Variants in HIBADH observed in about 807,000 individuals in gnomAD.
HIBADH encodes 3-hydroxyisobutyrate dehydrogenase, mitochondrial.
In HIBADH, 25 loss-of-function variants were observed where a neutral mutation model predicts 36.1. The ratio of observed to expected loss-of-function variants is 0.69; its 90% confidence interval spans 0.50 to 0.97. HIBADH has a LOEUF of 0.97. HIBADH is among the 50% of genes least tolerant of loss of function. HIBADH has a pLI of 0.00. For missense variants in HIBADH, 421 were observed against 418.0 expected (o/e 1.01, Z -0.06); for synonymous variants, 160 against 149.5 (o/e 1.07, Z -0.51).
At chr7:27,620,880 A>G (rs1785529813) in intron 4 of HIBADH, among the ~76,000 whole-genome samples, 2 of 152,146 alleles carry the variant, frequency 1.3e-5, no homozygotes, top group South Asian at 4.1e-4. Context: ...TTGCATATCA[A>G]TAATAACCTT....
chr7:27,639,910 T>C (rs1466369170), intron 2 of HIBADH, among the ~76,000 whole-genome samples: 1 of 152,154 alleles, frequency 6.6e-6, no homozygotes, highest in Non-Finnish European at 1.5e-5. Context: ...ATTTCCCTAA[T>C]AATCCACGTA....
chr7:27,589,879 C>T (rs1784916048), intron 4 of HIBADH, among the ~76,000 whole-genome samples: 1 of 152,128 alleles, frequency 6.6e-6, no homozygotes, highest in African/African-American at 2.4e-5. Context: ...ATCCAAATCC[C>T]GTGATCGTCC....
intron 4 of HIBADH, among the ~76,000 whole-genome samples, chr7:27,608,472 C>T (rs1785269211): frequency 6.6e-6 from 1 of 152,190 alleles, no homozygotes; most frequent in South Asian, 2.1e-4. Flanking sequence ...ATATACTTTT[C>T]ATCTGTTAAC....
At position 27,552,104 on chromosome 7, in the gene HIBADH, T is replaced by C. The variant is rs931978797; in HGVS notation, c.485-9004A>G. 1.1e-4 allele frequency among the ~76,000 whole-genome samples: 16 copies of C among 152,228 alleles called. 1 individual carries two copies. The highest frequency in any genetic ancestry group is 9.8e-4 in the Admixed American group (15 of 15,276). The stretch of plus-strand genomic sequence containing the variant: ...ACAAATTTAAGGGTGTTAATTAACT[T>C]TACACTTTATCATGTTCAATTAGTT... On this transcript the variant is annotated intron_variant, in intron 4 of 7. Coordinates refer to ENST00000265395, the MANE Select transcript of HIBADH (RefSeq NM_152740.4).
At chr7:27,534,398 A>T (rs1784043704) in intron 6 of HIBADH, among the ~76,000 whole-genome samples, 1 of 152,196 alleles carries the variant, frequency 6.6e-6, no homozygotes, top group Non-Finnish European at 1.5e-5. Flanking sequence ...GTTTACTCAG[A>T]TCTGCTATAT....
intron 2 of HIBADH, among the ~76,000 whole-genome samples, 195 bp from the exon 3 acceptor site, chr7:27,632,640 G>A (rs191579372): frequency 1.0e-3 from 148 of 147,712 alleles, no homozygotes; most frequent in Non-Finnish European, 8.8e-4. Context: ...TACATATACA[G>A]ATGCAGTTTC....
chr7:27,580,736 G>A (rs1322008106), intron 4 of HIBADH, among the ~76,000 whole-genome samples: 1 of 152,204 alleles, frequency 6.6e-6, no homozygotes, highest in African/African-American at 2.4e-5. Flanking sequence ...ATGAGCAAGA[G>A]AACAAATCTT....
At chr7:27,600,693 T>C (rs1030169669) in intron 4 of HIBADH, among the ~76,000 whole-genome samples, 1 of 152,092 alleles carries the variant, frequency 6.6e-6, no homozygotes, top group Non-Finnish European at 1.5e-5. Context: ...TAAGAACAAG[T>C]TGAAATGAAA....
chr7:27,597,562 A>G (rs1483483883), intron 4 of HIBADH, among the ~76,000 whole-genome samples: 1 of 149,414 alleles, frequency 6.7e-6, no homozygotes, highest in Non-Finnish European at 1.5e-5. Flanking sequence ...AGAATCCCCC[A>G]AACCAGACTC....
At chr7:27,637,118 T>C (rs954914958) in intron 2 of HIBADH, among the ~76,000 whole-genome samples, 2 of 152,132 alleles carry the variant, frequency 1.3e-5, no homozygotes, top group Admixed American at 6.6e-5. Context: ...GCAGCAGTAA[T>C]AGTAGTAGCA....
chr7:27,627,626 G>A (rs1785671732), intron 4 of HIBADH, among the ~76,000 whole-genome samples: 3 of 152,132 alleles, frequency 2.0e-5, no homozygotes, highest in Admixed American at 2.0e-4. Context: ...AAGTGGGAAG[G>A]TGGAACAGTT....
rs192259186 is a variant in HIBADH, at chr7:27,646,319, T to A, written c.252+3154A>T. 2.6e-5 allele frequency among the ~76,000 whole-genome samples: 4 copies of A among 152,202 alleles called. No individual in the cohort carries two copies. In the East Asian group the frequency reaches 7.7e-4, roughly 29 times the overall value. On this transcript the variant is annotated intron_variant, in intron 2 of 7. Transcript: ENST00000265395. ...CAACACAGATGTCACATACACACAC[T>A]CAAAAATGTCTTTCACATTAATTTC...
intron 4 of HIBADH, among the ~76,000 whole-genome samples, chr7:27,585,902 C>T (rs1035861198): frequency 4.6e-5 from 7 of 151,952 alleles, no homozygotes; most frequent in African/African-American, 1.5e-4. Context: ...AATTTAAGAA[C>T]ACAGATGTAA....
In HIBADH at chr7:27,629,497, GTAAA is replaced by G; in HGVS notation, c.363-9_363-6del. The G allele has an allele frequency of 6.5e-7, 1 of 1,543,964 alleles. No homozygotes were observed. Among genetic ancestry groups the G allele is most frequent in the Non-Finnish European group, 8.8e-7 (1 of 1,141,582 alleles). The stretch of plus-strand genomic sequence containing the variant: ...AATGAGCCCTTCTTCACTTTTCTAA[GTAAA>G]TAAATAAAAATATTTGTAGTTTACA... On this transcript the variant is annotated splice_region_variant and splice_polypyrimidine_tract_variant and intron_variant, in intron 3 of 7. Transcript: ENST00000265395.
chr7:27,619,965 A>C (rs188461129), intron 4 of HIBADH, among the ~76,000 whole-genome samples: 9 of 152,324 alleles, frequency 5.9e-5, no homozygotes, highest in African/African-American at 2.2e-4. Flanking sequence ...GAGGTTCACC[A>C]ATTCCCAGAA....
chr7:27,549,460 A>G (rs1339513014), intron 4 of HIBADH, among the ~76,000 whole-genome samples: 3 of 152,232 alleles, frequency 2.0e-5, no homozygotes, highest in African/African-American at 4.8e-5. Context: ...AAAAGAAACC[A>G]TAGTATCTCA....
intron 1 of HIBADH, among the ~76,000 whole-genome samples, chr7:27,653,989 C>T (rs1250681999): frequency 6.6e-6 from 1 of 151,926 alleles, no homozygotes; most frequent in African/African-American, 2.4e-5. Flanking sequence ...AAAACAAGGA[C>T]GTTAAAAATT....
rs1250049488 is a variant in HIBADH, at chr7:27,543,012, G to A, written c.573C>T (p.Cys191=). The part of the protein sequence containing the change: ...EFAAAQELLG[C]MGSNVVYCGA... ...CACAGTACACCACGTTGGAGCCCAT[G>A]CACCCCAGCAACTCTTGGGCAGCAG... is the stretch of plus-strand genomic sequence containing the variant. The change falls in exon 5 of 8, where the codon TGC becomes TGT. Residue 191 remains cysteine (C), a synonymous_variant. Coordinates refer to ENST00000265395, the MANE Select transcript of HIBADH (RefSeq NM_152740.4). The A allele has an allele frequency of 6.2e-7, 1 of 1,613,782 alleles. No individual in the cohort carries two copies. Among genetic ancestry groups the A allele is most frequent in the Non-Finnish European group, 8.5e-7 (1 of 1,179,858 alleles).
intron 4 of HIBADH, among the ~76,000 whole-genome samples, chr7:27,595,995 CCAAA>C (rs1440865704): frequency 2.6e-5 from 4 of 152,156 alleles, no homozygotes; most frequent in African/African-American, 7.2e-5. Context: ...ATCAGTTCCC[CCAAA>C]CAGATTGTTG....
Sources: allele counts gnomAD v4.1 joint callset (sites outside exome capture counted in the v4.1 genomes callset), GRCh38; gene constraint gnomAD v4.1.1; transcripts MANE v1.5; gene names NCBI Gene and HGNC (gene_info 2026-07-23, HGNC 2026-07-21).